CNTNAP5: variants seen among roughly 807,000 people sequenced by gnomAD.
CNTNAP5 encodes the protein contactin-associated protein-like 5.
In CNTNAP5, 72 loss-of-function variants were observed where a neutral mutation model predicts 150.2. The observed-to-expected ratio is 0.48, with a 90% CI of 0.40 to 0.58. The LOEUF (loss-of-function observed/expected upper bound fraction) is 0.58. CNTNAP5 is among the 20% of genes least tolerant of loss of function. The pLI is 0.00. For synonymous variants in CNTNAP5, 672 were observed against 619.8 expected, an observed-to-expected ratio of 1.08 and a Z score of -1.25; for missense variants, 1,636 against 1,626.2, an observed-to-expected ratio of 1.01 and a Z score of -0.10.
intron 19 of CNTNAP5, among the ~76,000 whole-genome samples, chr2:124,798,633 C>T (rs926749148): frequency 1.3e-5 from 2 of 152,104 alleles, no homozygotes; most frequent in East Asian, 1.9e-4. Context: ...TAAGCATATC[C>T]GAATTTCAGA....
chr2:124,137,202 T>C (rs1573781672), intron 1 of CNTNAP5, among the ~76,000 whole-genome samples: 1 of 152,054 alleles, frequency 6.6e-6, no homozygotes, highest in African/African-American at 2.4e-5. Context: ...TGTGTTAACA[T>C]AGGGTGTGTG....
chr2:124,484,803 C>CT (rs1446444647), intron 7 of CNTNAP5, among the ~76,000 whole-genome samples: 1 of 152,206 alleles, frequency 6.6e-6, no homozygotes, highest in Non-Finnish European at 1.5e-5. Flanking sequence ...ACACATTTTA[C>CT]TTCACATAAC....
At chr2:124,244,352 G>A (rs930697131) in intron 3 of CNTNAP5, among the ~76,000 whole-genome samples, 4 of 152,094 alleles carry the variant, frequency 2.6e-5, no homozygotes, top group Non-Finnish European at 4.4e-5. Flanking sequence ...CTTATTTTGG[G>A]GTGATTATTA....
chr2:124,367,214 G>A (rs138465000), intron 3 of CNTNAP5, among the ~76,000 whole-genome samples: 91 of 152,268 alleles, frequency 6.0e-4, no homozygotes, highest in Non-Finnish European at 1.2e-3. Flanking sequence ...AGTAACCATT[G>A]GACTGGTGGC....
intron 3 of CNTNAP5, among the ~76,000 whole-genome samples, chr2:124,413,353 T>C (rs190995684): frequency 0.15 from 22,057 of 146,232 alleles, 1,775 homozygotes; most frequent in Non-Finnish European, 0.18. Flanking sequence ...ACTAGAAATA[T>C]CATTTGACGC....
chr2:124,298,002 G>A (rs867898877), intron 3 of CNTNAP5, among the ~76,000 whole-genome samples: 2 of 151,802 alleles, frequency 1.3e-5, no homozygotes, highest in Admixed American at 1.3e-4. Flanking sequence ...TCACCACCAC[G>A]CCTGGCTAAT....
At chr2:124,154,573 G>A (rs937212393) in intron 1 of CNTNAP5, among the ~76,000 whole-genome samples, 5 of 152,102 alleles carry the variant, frequency 3.3e-5, no homozygotes, top group African/African-American at 1.2e-4. Context: ...CCACATGATG[G>A]ACAAAGAGAC....
chr2:124,440,163 T>A (rs553462906), intron 5 of CNTNAP5, among the ~76,000 whole-genome samples: 2 of 152,218 alleles, frequency 1.3e-5, no homozygotes, highest in African/African-American at 4.8e-5. Flanking sequence ...ACAACATATG[T>A]GAAGTGTTTA....
rs72976579 is a variant in CNTNAP5, at chr2:124,035,295, T to C, written c.82+9563T>C. On this transcript the variant is annotated intron_variant, in intron 1 of 23. Coordinates refer to ENST00000682447, the MANE Select transcript of CNTNAP5 (RefSeq NM_001367498.1). ...TTTTAAGTCTTTTCCCCCTGCTCCTTTATTTTCAATATTCTTCCCCAAGTT... is the reference window on the plus strand; with the variant it reads ...TTTTAAGTCTTTTCCCCCTGCTCCTCTATTTTCAATATTCTTCCCCAAGTT... Among the ~76,000 whole-genome samples, 1,089 of 152,238 alleles carry C rather than the reference T, an allele frequency of 7.2e-3. 14 individuals carry two copies. The highest frequency in any genetic ancestry group is 0.024 in the African/African-American group (1,009 of 41,558).
chr2:124,385,391 C>T (rs1402981607), intron 3 of CNTNAP5, among the ~76,000 whole-genome samples: 1 of 152,132 alleles, frequency 6.6e-6, no homozygotes, highest in Admixed American at 6.5e-5. Context: ...ATGAGATATA[C>T]ATGCCTATTA....
chr2:124,409,932 C>A (rs1395439518), intron 3 of CNTNAP5, among the ~76,000 whole-genome samples: 1 of 150,276 alleles, frequency 6.7e-6, no homozygotes, highest in African/African-American at 2.4e-5. Context: ...CACAGACTGG[C>A]AAATTGGATA....
chr2:124,057,964 G>A (rs1348963582), intron 1 of CNTNAP5, among the ~76,000 whole-genome samples: 1 of 151,896 alleles, frequency 6.6e-6, no homozygotes, highest in Non-Finnish European at 1.5e-5. Context: ...CACCTACTAT[G>A]TAACCACAAA....
chr2:124,269,578 T>C (rs1687690843), intron 3 of CNTNAP5, among the ~76,000 whole-genome samples: 2 of 152,066 alleles, frequency 1.3e-5, no homozygotes, highest in Admixed American at 1.3e-4. Flanking sequence ...AGGGATTTTT[T>C]TCGCCTGTAG....
intron 22 of CNTNAP5, among the ~76,000 whole-genome samples, chr2:124,909,436 C>T (rs145758527): frequency 5.7e-4 from 86 of 152,146 alleles, no homozygotes; most frequent in South Asian, 3.5e-3. Context: ...TTCCACACAA[C>T]GACAAAATTG....
chr2:124,290,603 C>G (rs779685514), intron 3 of CNTNAP5, among the ~76,000 whole-genome samples: 1 of 152,264 alleles, frequency 6.6e-6, no homozygotes, highest in East Asian at 1.9e-4. Flanking sequence ...ATGCTCTCAC[C>G]GAACAGAATA....
At chr2:124,085,975 G>A (rs934401784) in intron 1 of CNTNAP5, among the ~76,000 whole-genome samples, 1 of 152,120 alleles carries the variant, frequency 6.6e-6, no homozygotes, top group African/African-American at 2.4e-5. Flanking sequence ...ATTTGGCTGC[G>A]ATTGAAGACT....
At chr2:124,042,869 G>A (rs184408304) in intron 1 of CNTNAP5, among the ~76,000 whole-genome samples, 7 of 151,854 alleles carry the variant, frequency 4.6e-5, no homozygotes, top group Admixed American at 2.6e-4. Context: ...TAAAGGTGCC[G>A]AAGTTGCCTA....
intron 12 of CNTNAP5, among the ~76,000 whole-genome samples, chr2:124,619,910 T>C (rs1428097716): frequency 1.1e-4 from 1 of 9,282 alleles, no homozygotes; most frequent in Non-Finnish European, 2.9e-3. Flanking sequence ...GTCTCATTCA[T>C]ATATATATAT....
chr2:124,224,984 G>A (rs1358272811), intron 2 of CNTNAP5, among the ~76,000 whole-genome samples: 1 of 151,842 alleles, frequency 6.6e-6, no homozygotes, highest in Non-Finnish European at 1.5e-5. Flanking sequence ...CTTATCTTTT[G>A]TTTTACAAAG....
Sources: allele counts gnomAD v4.1 joint callset (sites outside exome capture counted in the v4.1 genomes callset), GRCh38; gene constraint gnomAD v4.1.1; transcripts MANE v1.5; gene names NCBI Gene and HGNC (gene_info 2026-07-23, HGNC 2026-07-21).